Variants in SUCLA2 observed in about 807,000 individuals in gnomAD.
SUCLA2 encodes the protein succinate--CoA ligase [ADP-forming] subunit beta, mitochondrial.
A neutral mutation model predicts 54.8 loss-of-function variants in SUCLA2; 30 were observed. The observed-to-expected ratio is 0.55, with a 90% CI of 0.41 to 0.74. The LOEUF (loss-of-function observed/expected upper bound fraction) is 0.74, where lower values mean the gene tolerates loss of function less well. Ranked by LOEUF, SUCLA2 falls within the 30% of genes least tolerant of loss-of-function variation. The pLI, the probability that SUCLA2 is intolerant of heterozygous loss-of-function variation, is 0.00. For missense variants in SUCLA2, 476 were observed against 562.9 expected, an observed-to-expected ratio of 0.85 and a Z score of 1.56; for synonymous variants, 172 against 188.9, an observed-to-expected ratio of 0.91 and a Z score of 0.74.
rs1416009832 is a variant in SUCLA2 at position 47,943,267 on chromosome 13, A to G, written c.*104T>C. 2.6e-6 allele frequency: 3 copies of G among 1,167,188 alleles called. No individual in the cohort carries two copies. Among genetic ancestry groups the G allele is most frequent in the Non-Finnish European group, 3.9e-6 (3 of 775,988 alleles). 72.3% of individuals were successfully genotyped at this position (1,167,188 alleles called of 1,614,324 possible). ...ATGTTTGTGTGCCTAGATGGCAATT[A>G]CAATCTCCACACACTAAAAAGAAAA... On this transcript the variant is annotated 3_prime_UTR_variant, in exon 11 of 11. Coordinates refer to ENST00000646932, the MANE Select transcript of SUCLA2 (RefSeq NM_003850.3).
At chr13:47,998,296 T>A (rs1566094405) in intron 1 of SUCLA2, among the ~76,000 whole-genome samples, 1 of 136,180 alleles carries the variant, frequency 7.3e-6, no homozygotes. Flanking sequence ...ATAAATAAGT[T>A]AAAAAAAAAA....
rs545642146 is a variant in SUCLA2, at chr13:47,951,421, T to C, written c.1108-1818A>G. Among the ~76,000 whole-genome samples the C allele has an allele frequency of 3.6e-4, 53 of 149,124 alleles. 1 individual carries two copies. The highest frequency in any genetic ancestry group is 1.9e-3 in the Admixed American group (27 of 14,292). On this transcript the variant is annotated intron_variant, in intron 8 of 10. Transcript: ENST00000646932. The stretch of plus-strand genomic sequence containing the variant: ...TTTCTTCACTATAGAGCCTGGGACA[T>C]ATGGCTAAGCAATTCAGTGTCACTG...
At chr13:47,976,311 C>T (rs1159288408) in intron 4 of SUCLA2, among the ~76,000 whole-genome samples, 1 of 152,144 alleles carries the variant, frequency 6.6e-6, no homozygotes, top group East Asian at 1.9e-4. Context: ...AAGCCAAGAA[C>T]ATCTGCAATG....
chr13:47,956,601 G>A (rs1402554242), intron 6 of SUCLA2, among the ~76,000 whole-genome samples: 1 of 152,216 alleles, frequency 6.6e-6, no homozygotes, highest in Admixed American at 6.5e-5. Context: ...TAAGAGAAAT[G>A]CTACAGAAAG....
chr13:47,943,766 G>GTGTGTATA (rs1300486540), intron 10 of SUCLA2, among the ~76,000 whole-genome samples: 175 of 139,656 alleles, frequency 1.3e-3, no homozygotes, highest in African/African-American at 4.5e-3. Flanking sequence ...GTGTGTGTGT[G>GTGTGTATA]TATATATATA....
chr13:47,949,139 T>C (rs1478856746), intron 9 of SUCLA2, 111 bp from the exon 10 acceptor site: 1 of 1,055,398 alleles, frequency 9.5e-7, no homozygotes, highest in Non-Finnish European at 1.5e-6. Context: ...GAGACTTCCA[T>C]TATTTAGTAT....
chr13:47,999,660 T>TCG (rs1950215021), intron 1 of SUCLA2, among the ~76,000 whole-genome samples: 1 of 149,860 alleles, frequency 6.7e-6, no homozygotes, highest in Non-Finnish European at 1.5e-5. Flanking sequence ...TGAGCCAAGA[T>TCG]CGCGCCACTG....
Position 47,949,509 on chromosome 13 carries a change from T to C in SUCLA2, c.1202A>G (p.Lys401Arg), listed in dbSNP as rs528579031. 2.5e-6 allele frequency: 4 copies of C among 1,613,636 alleles called. No homozygotes were observed. The change falls in exon 9 of 11, where the codon AAA becomes AGA. Residue 401 changes from lysine (K) to arginine (R), a missense_variant. Lys to Arg is a conservative substitution (Grantham distance 26). Around this residue, in one of 2 missense-constraint regions of SUCLA2, gnomAD observed 342 missense variants for 444.2 expected, o/e 0.77. Transcript: ENST00000646932. ...IVMAVKDLEI[K>R]IPVVVRLQGT... Reference sequence around the variant, plus strand: ...TTGTAACCGTACCACAACAGGTATTTTAATTTCCAAGTCTTTTACTGCCAT... The same window carrying C: ...TTGTAACCGTACCACAACAGGTATTCTAATTTCCAAGTCTTTTACTGCCAT...
At chr13:47,961,112 C>T (rs1949867177) in intron 6 of SUCLA2, among the ~76,000 whole-genome samples, 1 of 152,048 alleles carries the variant, frequency 6.6e-6, no homozygotes, top group Non-Finnish European at 1.5e-5. Context: ...GGAAATCTTA[C>T]CTTATGGTCA....
chr13:47,944,739 G>C (rs1263893333), intron 10 of SUCLA2, among the ~76,000 whole-genome samples: 2 of 152,158 alleles, frequency 1.3e-5, no homozygotes, highest in East Asian at 1.9e-4. Context: ...CCAAGCTAGA[G>C]TTAAATTTTG....
intron 10 of SUCLA2, chr13:47,945,984 C>T (rs1217094205): frequency 6.6e-6 from 1 of 152,212 alleles, no homozygotes; most frequent in Non-Finnish European, 1.5e-5. Flanking sequence ...TGAACCAAAG[C>T]AGATGATTCT....
intron 10 of SUCLA2, among the ~76,000 whole-genome samples, chr13:47,945,422 CAA>C (rs10661341): frequency 8.0e-5 from 4 of 50,006 alleles, no homozygotes; most frequent in Admixed American, 7.3e-4. Flanking sequence ...GACTCAGTCT[CAA>C]AAAAAAAAAA....
rs11445752 is a variant in SUCLA2 at position 47,989,213 on chromosome 13, C to CTT, written c.272-234_272-233dup. On this transcript the variant is annotated intron_variant, in intron 2 of 10. Coordinates refer to ENST00000646932, the MANE Select transcript of SUCLA2 (RefSeq NM_003850.3). ...ATTCGTCACTTACATTAAACCATTT[C>CTT]TTTTTTTTTTTTTTTGAAACAGAGT... Among the ~76,000 whole-genome samples, 1,666 of 143,638 alleles carry CTT rather than the reference C, an allele frequency of 0.012. 14 individuals are homozygous for CTT. Among genetic ancestry groups the CTT allele is most frequent in the Middle Eastern group, 0.017 (5 of 286 alleles). 94.2% of individuals were successfully genotyped at this position (143,638 alleles called of 152,430 possible).
intron 2 of SUCLA2, among the ~76,000 whole-genome samples, chr13:47,993,471 A>C (rs772343219): frequency 2.0e-5 from 3 of 152,156 alleles, no homozygotes; most frequent in Non-Finnish European, 2.9e-5. Context: ...ATTTCTTTCT[A>C]ACCATTCCTC....
intron 2 of SUCLA2, among the ~76,000 whole-genome samples, chr13:47,989,371 T>C (rs1305775820): frequency 2.0e-5 from 3 of 152,096 alleles, no homozygotes; most frequent in Admixed American, 1.3e-4. Flanking sequence ...CCACCATGCC[T>C]GGCTAATTTT....
chr13:47,946,983 G>A (rs1042282075), intron 10 of SUCLA2, among the ~76,000 whole-genome samples: 1 of 152,076 alleles, frequency 6.6e-6, no homozygotes, highest in African/African-American at 2.4e-5. Context: ...AATCAACCCA[G>A]TATCTATGAA....
intron 5 of SUCLA2, among the ~76,000 whole-genome samples, 169 bp downstream of exon 5, chr13:47,973,095 T>C (rs1046519739): frequency 1.3e-5 from 2 of 152,146 alleles, no homozygotes; most frequent in African/African-American, 4.8e-5. Context: ...TATAGAGATA[T>C]GAAAAAATTG....
At chr13:48,000,782 A>C in intron 1 of SUCLA2, 1 of 909,482 alleles carries the variant, frequency 1.1e-6, no homozygotes. Flanking sequence ...AAGAAACACA[A>C]AAGTACTTTT....
chr13:47,990,051 G>T lies in SUCLA2; in HGVS notation c.272-1070C>A, dbSNP rs140873937. On this transcript the variant is annotated intron_variant, in intron 2 of 10. Transcript: ENST00000646932. ...AGCCTAGATAGTACTCATCATTCAT[G>T]ATCAAGAGTAAATGGGCCCGGTGCG... Among the ~76,000 whole-genome samples the T allele has an allele frequency of 7.9e-5, 12 of 152,252 alleles. 1 individual carries two copies. In the East Asian group the frequency reaches 2.3e-3, roughly 29 times the overall value.
Sources: allele counts gnomAD v4.1 joint callset (sites outside exome capture counted in the v4.1 genomes callset), GRCh38; gene constraint gnomAD v4.1.1; regional missense constraint gnomAD v4.1.1; transcripts MANE v1.5; gene names NCBI Gene and HGNC (gene_info 2026-07-23, HGNC 2026-07-21).